RBM39: variants seen among roughly 807,000 people sequenced by gnomAD.
RBM39 encodes the protein RNA-binding protein 39.
Under a neutral mutation model 79.6 loss-of-function variants are expected in RBM39, and 12 were observed. That is an observed-to-expected ratio of 0.15 (90% CI 0.10 to 0.24). The LOEUF (loss-of-function observed/expected upper bound fraction) is 0.24, where lower values mean the gene tolerates loss of function less well. Among genes scored for constraint, RBM39 ranks in the 10% least tolerant of loss-of-function variants. RBM39 has a pLI of 1.00. For missense variants in RBM39, 243 were observed against 653.4 expected (o/e 0.37, Z 6.85); for synonymous variants, 185 against 208.4 (o/e 0.89, Z 0.97).
intron 1 of RBM39, chr20:35,741,722 G>C (rs2040562252): frequency 6.6e-6 from 1 of 152,592 alleles, no homozygotes; most frequent in Non-Finnish European, 1.5e-5. Context: ...AAGGAGACAG[G>C]TCACCATTCT....
intron 6 of RBM39, among the ~76,000 whole-genome samples, chr20:35,729,096 T>C (rs538752081): frequency 5.6e-4 from 85 of 151,910 alleles, no homozygotes; most frequent in Admixed American, 2.0e-3. Context: ...AATAAATAAA[T>C]AAATAAATAT....
At chr20:35,723,230 CA>C (rs200651582) in intron 8 of RBM39, among the ~76,000 whole-genome samples, 34,253 of 123,022 alleles carry the variant, frequency 0.28, 4,149 homozygotes, top group African/African-American at 0.39. Flanking sequence ...AAGATCGCCT[CA>C]AAAAAAAAAA....
Position 35,704,757 on chromosome 20 carries a change from A to C in RBM39, c.1414-11T>G. The C allele has an allele frequency of 1.9e-6, 3 of 1,609,374 alleles. No homozygotes were observed. Among genetic ancestry groups the C allele is most frequent in the Non-Finnish European group, 2.5e-6 (3 of 1,178,406 alleles). On this transcript the variant is annotated splice_polypyrimidine_tract_variant and intron_variant, in intron 15 of 16. Coordinates refer to ENST00000253363, the MANE Select transcript of RBM39 (RefSeq NM_184234.3). ...CACATACACATTGCCCTACAGAAAA[A>C]ATGAAAAAAAAGGTAAAGATGTTGC...
At chr20:35,722,729 C>T (rs1009847379) in intron 8 of RBM39, among the ~76,000 whole-genome samples, 1 of 148,622 alleles carries the variant, frequency 6.7e-6, no homozygotes, top group South Asian at 2.1e-4. Flanking sequence ...GTCAGGAGAT[C>T]AAGACCATCC....
intron 8 of RBM39, among the ~76,000 whole-genome samples, chr20:35,722,153 A>G (rs147090352): frequency 0.013 from 1,945 of 152,226 alleles, 50 homozygotes; most frequent in African/African-American, 0.045. Flanking sequence ...CACACCTGTA[A>G]TCCCAGCACT....
intron 13 of RBM39, 146 bp downstream of exon 13, chr20:35,709,078 C>A: frequency 1.7e-6 from 1 of 586,622 alleles, no homozygotes; most frequent in Non-Finnish European, 2.9e-6. Flanking sequence ...AGACAGATTA[C>A]TATGAATATA....
At chr20:35,715,225 T>G (rs2036959803) in intron 10 of RBM39, among the ~76,000 whole-genome samples, 1 of 152,244 alleles carries the variant, frequency 6.6e-6, no homozygotes, top group Non-Finnish European at 1.5e-5. Context: ...ATGAGTTTCA[T>G]ATACATGAGT....
intron 13 of RBM39, 82 bp downstream of exon 13, chr20:35,709,142 G>A (rs904101672): frequency 7.8e-7 from 1 of 1,285,784 alleles, no homozygotes; most frequent in African/African-American, 1.5e-5. Context: ...ATAAAAATAT[G>A]ACAATAAATA....
At chr20:35,731,377 T>G (rs1292156381) in intron 4 of RBM39, 1 of 152,380 alleles carries the variant, frequency 6.6e-6, no homozygotes, top group South Asian at 2.1e-4. Flanking sequence ...TTGGAATACC[T>G]TTTATTATTA....
At chr20:35,716,418 T>A (rs2037137510) in intron 10 of RBM39, among the ~76,000 whole-genome samples, 1 of 152,202 alleles carries the variant, frequency 6.6e-6, no homozygotes, top group South Asian at 2.1e-4. Context: ...ACATGCCACC[T>A]TCCCCACCAT....
chr20:35,723,473 T>C (rs2146616791), intron 8 of RBM39, among the ~76,000 whole-genome samples: 1 of 152,290 alleles, frequency 6.6e-6, no homozygotes. Flanking sequence ...GTCTTGGTTC[T>C]TGTCGCCCAG....
At chr20:35,724,917 G>C (rs1460414689) in intron 7 of RBM39, 121 bp downstream of exon 7, 1 of 992,476 alleles carries the variant, frequency 1.0e-6, no homozygotes, top group African/African-American at 1.6e-5. Context: ...TACTACAAGA[G>C]GCAAAATGGA....
chr20:35,719,943 CACCT>C, intron 9 of RBM39: 1 of 256,978 alleles, frequency 3.9e-6, no homozygotes, highest in Non-Finnish European at 8.3e-6. Context: ...CCACCACACC[CACCT>C]AATTTTTCTA....
At chr20:35,716,851 A>G in intron 9 of RBM39, 46 bp from the exon 10 acceptor site, 2 of 1,312,528 alleles carry the variant, frequency 1.5e-6, no homozygotes, top group Non-Finnish European at 2.2e-6. Flanking sequence ...GCAGAGTACA[A>G]AACTACTTTC....
intron 6 of RBM39, among the ~76,000 whole-genome samples, chr20:35,727,211 A>T: frequency 6.6e-6 from 1 of 151,942 alleles, no homozygotes; most frequent in South Asian, 2.1e-4. Flanking sequence ...TTAGCAGGGC[A>T]TGGTGGCTGC....
chr20:35,738,066 G>A (rs1177453753), intron 3 of RBM39, among the ~76,000 whole-genome samples: 3 of 151,626 alleles, frequency 2.0e-5, no homozygotes, highest in African/African-American at 7.3e-5. Context: ...TGAGGCAGGG[G>A]AATCACTTGA....
At chr20:35,717,591 T>TAA (rs2037310382) in intron 9 of RBM39, among the ~76,000 whole-genome samples, 1 of 152,196 alleles carries the variant, frequency 6.6e-6, no homozygotes, top group Non-Finnish European at 1.5e-5. Flanking sequence ...TGCACAATTC[T>TAA]GTGAATTGTA....
rs777591811 is a variant in RBM39 at position 35,725,089 on chromosome 20, C to T, written c.483G>A (p.Ala161=). The T allele has an allele frequency of 5.0e-6, 8 of 1,611,586 alleles. No individual in the cohort carries two copies. The highest frequency in any genetic ancestry group is 4.0e-5 in the African/African-American group (3 of 74,838). Reference sequence around the variant, plus strand: ...CCAAATCCCTTGGTCGAATTCTTGCCGCCAGCTGCATACAGAAGACTGTCC... The same window carrying T: ...CCAAATCCCTTGGTCGAATTCTTGCTGCCAGCTGCATACAGAAGACTGTCC... ...DARTVFCMQL[A]ARIRPRDLEE... is the part of the protein sequence containing the mutation. The change falls in exon 7 of 17, where the codon GCG becomes GCA. Residue 161 remains alanine (A), a synonymous_variant. Transcript: ENST00000253363.
intron 9 of RBM39, among the ~76,000 whole-genome samples, chr20:35,717,423 A>C (rs1208799343): frequency 6.6e-6 from 1 of 152,208 alleles, no homozygotes; most frequent in Non-Finnish European, 1.5e-5. Flanking sequence ...AACCACTGAA[A>C]ACCAGAAATC....
Sources: allele counts gnomAD v4.1 joint callset (sites outside exome capture counted in the v4.1 genomes callset), GRCh38; gene constraint gnomAD v4.1.1; transcripts MANE v1.5; gene names NCBI Gene and HGNC (gene_info 2026-07-23, HGNC 2026-07-21).